Variants in HIP1 observed in about 807,000 individuals in gnomAD.
HIP1 encodes huntingtin-interacting protein 1.
A neutral mutation model predicts 147.6 loss-of-function variants in HIP1; 65 were observed. That is an observed-to-expected ratio of 0.44 (90% CI 0.36 to 0.54). The LOEUF (loss-of-function observed/expected upper bound fraction) is 0.54. HIP1 is among the 20% of genes least tolerant of loss of function. The pLI, the probability that HIP1 is intolerant of heterozygous loss-of-function variation, is 0.00. For synonymous variants in HIP1, 479 were observed against 504.0 expected, an observed-to-expected ratio of 0.95 and a Z score of 0.67; for missense variants, 1,061 against 1,299.6, an observed-to-expected ratio of 0.82 and a Z score of 2.82.
chr7:75,710,742 C>A (rs1801145248), intron 1 of HIP1, among the ~76,000 whole-genome samples: 1 of 152,026 alleles, frequency 6.6e-6, no homozygotes, highest in Admixed American at 6.6e-5. Flanking sequence ...GCTACCTGGG[C>A]AATACGGTGA....
At position 75,553,468 on chromosome 7, in the gene HIP1, G is replaced by C; in HGVS notation, c.2280C>G (p.Ile760Met). 1 of 1,614,060 alleles carries C rather than the reference G, an allele frequency of 6.2e-7. No individual in the cohort carries two copies. The highest frequency in any genetic ancestry group is 8.5e-7 in the Non-Finnish European group (1 of 1,180,010). The change falls in exon 22 of 31, where the codon ATC becomes ATG. Residue 760 changes from isoleucine to methionine, a missense_variant. By Grantham distance (10) the Ile-to-Met change is conservative (BLOSUM62 1). Around this residue, in one of 3 missense-constraint regions of HIP1, gnomAD observed 810 missense variants for 946.8 expected, o/e 0.86. Transcript: ENST00000336926. ...STAMRNCLSK[I>M]KAIGEELLPR... ...CTCCAAGTACCTCGCCGATGGCCTTGATCTTGCTCAGGCAGTTCCTCATGG... is the reference window on the plus strand; with the variant it reads ...CTCCAAGTACCTCGCCGATGGCCTTCATCTTGCTCAGGCAGTTCCTCATGG...
rs587732747 is a variant in HIP1, at chr7:75,602,490, T to C, written c.121-3243A>G. Among the ~76,000 whole-genome samples, 14 of 135,968 alleles carry C rather than the reference T, an allele frequency of 1.0e-4. No homozygotes were observed. The South Asian group carries it at 3.2e-3, about 32-fold the overall frequency. The allele number at this position is 135,968 out of a possible 152,430, so 89.2% of individuals were successfully genotyped here. A position where few individuals can be genotyped will look rare whatever the true frequency, so the allele number is the denominator to read the frequency against. On this transcript the variant is annotated intron_variant, in intron 1 of 30. Transcript: ENST00000336926. ...TGCTGTTTTTCTAAATTCTCAGATA[T>C]GCTCTTTTTTTTTTTTTTTTTTTTT...
At position 75,623,976 on chromosome 7, in the gene HIP1, C is replaced by T. The variant is rs143536172; in HGVS notation, c.121-24729G>A. Among the ~76,000 whole-genome samples the T allele has an allele frequency of 7.4e-4, 112 of 152,172 alleles. 1 individual carries two copies. Among genetic ancestry groups the T allele is most frequent in the African/African-American group, 2.4e-3 (100 of 41,518 alleles). ...ACATAGGAGGCTGAGGCAGGAGGAT[C>T]GCTTGAGGGCAGGAGGATCACTCGA... On this transcript the variant is annotated intron_variant, in intron 1 of 30. Coordinates refer to ENST00000336926, the MANE Select transcript of HIP1 (RefSeq NM_005338.7).
At chr7:75,544,936 G>A (rs1794492559) in intron 26 of HIP1, 136 bp from the exon 27 acceptor site, 1 of 742,998 alleles carries the variant, frequency 1.3e-6, no homozygotes, top group Non-Finnish European at 2.3e-6. Flanking sequence ...CCCTGGGAGA[G>A]CCAGGCTCCC....
intron 1 of HIP1, among the ~76,000 whole-genome samples, chr7:75,723,677 G>C (rs1801565337): frequency 6.6e-6 from 1 of 152,056 alleles, no homozygotes; most frequent in African/African-American, 2.4e-5. Context: ...CCCTTCTCAT[G>C]CTGGGAAACT....
At chr7:75,633,063 T>A (rs1047363831) in intron 1 of HIP1, among the ~76,000 whole-genome samples, 15 of 152,110 alleles carry the variant, frequency 9.9e-5, no homozygotes, top group African/African-American at 3.6e-4. Context: ...GCTTAACACG[T>A]AGGTGATGGG....
intron 7 of HIP1, among the ~76,000 whole-genome samples, chr7:75,575,885 T>A (rs1251630010): frequency 1.3e-5 from 2 of 150,738 alleles, no homozygotes; most frequent in Non-Finnish European, 3.0e-5. Flanking sequence ...ACTGCACTAA[T>A]CCCTGGTAAC....
chr7:75,735,937 G>A lies in HIP1; in HGVS notation c.120+2864C>T, dbSNP rs370191095. Among the ~76,000 whole-genome samples the A allele has an allele frequency of 2.0e-3, 302 of 151,892 alleles. 6 individuals are homozygous for A. In the South Asian group the frequency reaches 0.056, roughly 28 times the overall value. On this transcript the variant is annotated intron_variant, in intron 1 of 30. Coordinates refer to ENST00000336926, the MANE Select transcript of HIP1 (RefSeq NM_005338.7). ...CTTTACTCTCCTACACCCCTAAAGA[G>A]TTTCAACACCAGAGGCTGGGTGCAG...
intron 1 of HIP1, among the ~76,000 whole-genome samples, chr7:75,656,764 A>G (rs1432159133): frequency 6.6e-6 from 1 of 152,236 alleles, no homozygotes; most frequent in Non-Finnish European, 1.5e-5. Context: ...GGCGTGAGCC[A>G]CTGCGCCTGG....
intron 24 of HIP1, 26 bp downstream of exon 24, chr7:75,547,729 G>A: frequency 6.3e-7 from 1 of 1,596,920 alleles, no homozygotes. Flanking sequence ...TGCTCCCCTA[G>A]GTCCCACCAT....
intron 1 of HIP1, among the ~76,000 whole-genome samples, chr7:75,678,360 T>TA (rs372824703): frequency 7.8e-6 from 1 of 127,576 alleles, no homozygotes. Flanking sequence ...TTTTTTTTTT[T>TA]TGAGACAGCA....
At chr7:75,726,708 T>C (rs916844195) in intron 1 of HIP1, among the ~76,000 whole-genome samples, 14 of 150,846 alleles carry the variant, frequency 9.3e-5, no homozygotes, top group Admixed American at 4.0e-4. Flanking sequence ...TTTTTCTTTT[T>C]TTTTTTTTTT....
chr7:75,696,778 T>C (rs1422196536), intron 1 of HIP1, among the ~76,000 whole-genome samples: 2 of 150,802 alleles, frequency 1.3e-5, no homozygotes, highest in Admixed American at 6.6e-5. Flanking sequence ...TTTTGTACTT[T>C]TAGTAGAGAT....
Position 75,547,737 on chromosome 7 carries a change from C to T in HIP1, c.2465+18G>A, listed in dbSNP as rs587737681. ...CAGATCCTGCTCCCCTAGGTCCCAC[C>T]ATGCCGCTCAGACCGACCTTTCATT... On this transcript the variant is annotated intron_variant, in intron 24 of 30. Coordinates refer to ENST00000336926, the MANE Select transcript of HIP1 (RefSeq NM_005338.7). The T allele has an allele frequency of 6.2e-7, 1 of 1,609,140 alleles. No individual in the cohort carries two copies. The highest frequency in any genetic ancestry group is 2.2e-5 in the East Asian group (1 of 44,858).
At chr7:75,556,226 C>A in intron 17 of HIP1, 57 bp from the exon 18 acceptor site, 4 of 1,588,318 alleles carry the variant, frequency 2.5e-6, no homozygotes, top group Non-Finnish European at 3.4e-6. Context: ...ACAGTCCCTA[C>A]TTCCCAGAGG....
intron 1 of HIP1, among the ~76,000 whole-genome samples, chr7:75,692,693 G>A (rs1800504111): frequency 6.6e-6 from 1 of 151,588 alleles, no homozygotes; most frequent in African/African-American, 2.4e-5. Context: ...GCCTCCCGAA[G>A]TGCTGGGATT....
chr7:75,544,963 A>C (rs1227122725), intron 26 of HIP1, 125 bp downstream of exon 26: 1 of 767,256 alleles, frequency 1.3e-6, no homozygotes, highest in Non-Finnish European at 2.2e-6. Context: ...ACTCGGTCCT[A>C]TTGACTTCCT....
At chr7:75,553,994 C>T in intron 21 of HIP1, 119 bp downstream of exon 21, 2 of 696,684 alleles carry the variant, frequency 2.9e-6, no homozygotes, top group Non-Finnish European at 4.9e-6. Flanking sequence ...ATCTGCCCGC[C>T]TCAGCCTCCC....
chr7:75,571,584 A>G (rs1352630565), intron 8 of HIP1, among the ~76,000 whole-genome samples: 1 of 152,070 alleles, frequency 6.6e-6, no homozygotes, highest in African/African-American at 2.4e-5. Context: ...ACTTTATTTT[A>G]TTTATTTTAT....
Sources: allele counts gnomAD v4.1 joint callset (sites outside exome capture counted in the v4.1 genomes callset), GRCh38; gene constraint gnomAD v4.1.1; regional missense constraint gnomAD v4.1.1; transcripts MANE v1.5; gene names NCBI Gene and HGNC (gene_info 2026-07-23, HGNC 2026-07-21).